Variants in CACNB2 observed in about 807,000 individuals in gnomAD.
The protein encoded by CACNB2 is voltage-dependent L-type calcium channel subunit beta-2.
CACNB2 carries 42 observed loss-of-function variants against 73.3 expected under a neutral mutation model. That is an observed-to-expected ratio of 0.57 (90% CI 0.45 to 0.74). The LOEUF is 0.74. Among genes scored for constraint, CACNB2 ranks in the 30% least tolerant of loss-of-function variants. CACNB2 has a pLI of 0.00. For missense variants in CACNB2, 940 were observed against 853.0 expected (o/e 1.10, Z -1.27); for synonymous variants, 348 against 310.3 (o/e 1.12, Z -1.28).
At chr10:18,433,856 A>G (rs915516478) in intron 3 of CACNB2, among the ~76,000 whole-genome samples, 2 of 149,624 alleles carry the variant, frequency 1.3e-5, no homozygotes, top group African/African-American at 2.5e-5. Flanking sequence ...CATCAAAACT[A>G]TTGTCTTAAA....
chr10:18,452,775 G>T (rs914803785), intron 3 of CACNB2, among the ~76,000 whole-genome samples: 1 of 152,192 alleles, frequency 6.6e-6, no homozygotes, highest in East Asian at 1.9e-4. Context: ...CACCAAAAAA[G>T]GTTCTCTGGC....
In CACNB2 at chr10:18,539,544, A is replaced by G. The variant is rs1213566001; in HGVS notation, c.1803A>G (p.Arg601=). The change falls in exon 14 of 14, where the codon AGA becomes AGG. Residue 601 remains arginine, a synonymous_variant. Coordinates refer to ENST00000324631, the MANE Select transcript of CACNB2 (RefSeq NM_201596.3). ...RDETHGSSDH[R]HRESRHRSRD... is the part of the protein sequence containing the mutation. ...AGACCCACGGGAGCAGTGACCACAG[A>G]CACAGGGAGTCCCGGCACCGTTCCC... 6.2e-7 allele frequency: 1 copy of G among 1,613,850 alleles called. No homozygotes were observed. Among genetic ancestry groups the G allele is most frequent in the East Asian group, 2.2e-5 (1 of 44,834 alleles).
chr10:18,245,590 C>A (rs2036829383), intron 2 of CACNB2, among the ~76,000 whole-genome samples: 1 of 152,154 alleles, frequency 6.6e-6, no homozygotes, highest in African/African-American at 2.4e-5. Context: ...CTCAGCTTCC[C>A]AAAGTGTTGG....
intron 2 of CACNB2, among the ~76,000 whole-genome samples, chr10:18,266,266 C>T (rs1345439970): frequency 6.6e-6 from 1 of 152,102 alleles, no homozygotes. Context: ...ACTGTACTGC[C>T]AAAGGCCACA....
At chr10:18,240,969 A>G (rs1215690150) in intron 2 of CACNB2, among the ~76,000 whole-genome samples, 1 of 152,176 alleles carries the variant, frequency 6.6e-6, no homozygotes, top group Non-Finnish European at 1.5e-5. Context: ...GAGTTTTACA[A>G]TGCCACTTAG....
chr10:18,145,629 C>A (rs1029637550), intron 1 of CACNB2, among the ~76,000 whole-genome samples: 2 of 152,102 alleles, frequency 1.3e-5, no homozygotes, highest in Non-Finnish European at 2.9e-5. Context: ...TTGGCCCTTT[C>A]AAGAGAAGCT....
intron 3 of CACNB2, among the ~76,000 whole-genome samples, chr10:18,489,390 C>CAAAA (rs66974116): frequency 1.7e-5 from 1 of 59,788 alleles, no homozygotes; most frequent in Non-Finnish European, 2.9e-5. Context: ...AACTCCATCT[C>CAAAA]AAAAAAAAAA....
At chr10:18,146,122 T>C (rs2030945851) in intron 1 of CACNB2, among the ~76,000 whole-genome samples, 2 of 152,150 alleles carry the variant, frequency 1.3e-5, no homozygotes, top group Admixed American at 1.3e-4. Flanking sequence ...TAGCTACTTC[T>C]TGCCTAGTAA....
At chr10:18,381,671 T>C (rs1158245102) in intron 2 of CACNB2, among the ~76,000 whole-genome samples, 2 of 141,872 alleles carry the variant, frequency 1.4e-5, no homozygotes, top group African/African-American at 5.3e-5. Context: ...CTGGGCAACA[T>C]GAGTGAGACT....
intron 1 of CACNB2, among the ~76,000 whole-genome samples, chr10:18,144,762 G>T (rs900908803): frequency 6.6e-6 from 1 of 152,204 alleles, no homozygotes; most frequent in Non-Finnish European, 1.5e-5. Flanking sequence ...TTTTGGATAT[G>T]CTGGGTTAAA....
intron 2 of CACNB2, among the ~76,000 whole-genome samples, chr10:18,246,764 G>T (rs2036877001): frequency 6.6e-6 from 1 of 151,936 alleles, no homozygotes; most frequent in Non-Finnish European, 1.5e-5. Flanking sequence ...GGGTTTTTTA[G>T]TTTTGTTTTT....
chr10:18,486,954 GCTCT>G (rs1038867176), intron 3 of CACNB2, among the ~76,000 whole-genome samples: 3 of 151,688 alleles, frequency 2.0e-5, no homozygotes, highest in Non-Finnish European at 2.9e-5. Context: ...AAAGAGAATA[GCTCT>G]CTCTCTCTCT....
chr10:18,373,576 C>G (rs145108013), intron 2 of CACNB2, among the ~76,000 whole-genome samples: 1 of 152,302 alleles, frequency 6.6e-6, no homozygotes, highest in Non-Finnish European at 1.5e-5. Context: ...AACCAGAATT[C>G]AAGCTTGGGC....
At chr10:18,334,945 T>C (rs1278461372) in intron 2 of CACNB2, among the ~76,000 whole-genome samples, 2 of 152,184 alleles carry the variant, frequency 1.3e-5, no homozygotes, top group Non-Finnish European at 2.9e-5. Context: ...CGTGCTTTCC[T>C]TTCACTGATT....
intron 2 of CACNB2, among the ~76,000 whole-genome samples, chr10:18,309,003 A>C (rs1324319327): frequency 5.3e-5 from 8 of 152,162 alleles, no homozygotes; most frequent in Admixed American, 2.6e-4. Context: ...ATTGCCCTTA[A>C]AATAGAAAAA....
At chr10:18,402,581 G>T (rs1168569890) in intron 3 of CACNB2, among the ~76,000 whole-genome samples, 1 of 152,156 alleles carries the variant, frequency 6.6e-6, no homozygotes, top group Non-Finnish European at 1.5e-5. Flanking sequence ...CTTAGAACAT[G>T]TTCTTCTCCA....
At chr10:18,221,512 C>G (rs2035792231) in intron 2 of CACNB2, among the ~76,000 whole-genome samples, 1 of 152,056 alleles carries the variant, frequency 6.6e-6, no homozygotes, top group Non-Finnish European at 1.5e-5. Context: ...AGCCCTGTCT[C>G]TACTAAGAAT....
intron 2 of CACNB2, among the ~76,000 whole-genome samples, chr10:18,266,182 G>C (rs2037790285): frequency 6.6e-6 from 1 of 152,192 alleles, no homozygotes; most frequent in Non-Finnish European, 1.5e-5. Context: ...CATTAAAGCA[G>C]TCACTAGGGA....
At position 18,539,625 on chromosome 10, in the gene CACNB2, T is replaced by C. The variant is rs2053949074; in HGVS notation, c.1884T>C (p.His628=). ...HNECNKQRSR[H]KSKDRYCEKD... ...AGTGCAACAAGCAGCGCAGCCGTCA[T>C]AAATCCAAGGATCGCTACTGTGAAA... Residue 628 remains histidine, a synonymous_variant, in exon 14 of 14, where the codon CAT becomes CAC. Coordinates refer to ENST00000324631, the MANE Select transcript of CACNB2 (RefSeq NM_201596.3). 1 of 1,613,030 alleles carries C rather than the reference T, an allele frequency of 6.2e-7. No homozygotes were observed. The highest frequency in any genetic ancestry group is 1.1e-5 in the South Asian group (1 of 91,050).
Sources: allele counts gnomAD v4.1 joint callset (sites outside exome capture counted in the v4.1 genomes callset), GRCh38; gene constraint gnomAD v4.1.1; transcripts MANE v1.5; gene names NCBI Gene and HGNC (gene_info 2026-07-23, HGNC 2026-07-21).